The following CTSF variants were observed in gnomAD, a reference collection of about 807,000 sequenced individuals.
CTSF encodes cathepsin F.
A neutral mutation model predicts 63.5 loss-of-function variants in CTSF; 65 were observed. The ratio of observed to expected loss-of-function variants is 1.02; its 90% CI spans 0.84 to 1.26. CTSF has a LOEUF of 1.26. Among genes scored for constraint, CTSF ranks in the 50% most tolerant of loss-of-function variants. CTSF has a pLI of 0.00. For synonymous variants in CTSF, 256 were observed against 258.1 expected (o/e 0.99, Z 0.08); for missense variants, 641 against 631.0 (o/e 1.02, Z -0.17).
intron 10 of CTSF, 23 bp downstream of exon 10, chr11:66,564,719 G>A (rs754331066): frequency 3.7e-6 from 6 of 1,613,506 alleles, no homozygotes; most frequent in Non-Finnish European, 2.5e-6. Flanking sequence ...GATGGGGCAG[G>A]GGCAGTGGGG....
At position 66,563,969 on chromosome 11, in the gene CTSF, G is replaced by T; in HGVS notation, c.1419C>A (p.Gly473=). 6.2e-7 allele frequency: 1 copy of T among 1,613,630 alleles called. No individual in the cohort carries two copies. The highest frequency in any genetic ancestry group is 8.5e-7 in the Non-Finnish European group (1 of 1,180,020). ...YYLHRGSGAC[G]VNTMASSAVV... ...CCGCCGAGCTGGCCATGGTGTTCACGCCACAGGCCCCGGACCCACGATGCA... is the reference window on the plus strand; with the variant it reads ...CCGCCGAGCTGGCCATGGTGTTCACTCCACAGGCCCCGGACCCACGATGCA... Residue 473 remains glycine, a synonymous_variant, in exon 13 of 13, where the codon GGC becomes GGA. Coordinates refer to ENST00000310325, the MANE Select transcript of CTSF (RefSeq NM_003793.4).
rs397514733 is a variant in CTSF at position 66,563,949 on chromosome 11, G to A, written c.1439C>T (p.Ser480Leu). Reference protein sequence around the residue: ...GACGVNTMASSAVVD With the variant: ...GACGVNTMASLAVVD ...GGCCCCTCTTCAGTCCACCACCGCC[G>A]AGCTGGCCATGGTGTTCACGCCACA... The change falls in exon 13 of 13, where the codon TCG becomes TTG. Residue 480 changes from serine (S) to leucine (L), a missense_variant. By Grantham distance (145) the Ser-to-Leu change is moderately radical (BLOSUM62 -2). Coordinates refer to ENST00000310325, the MANE Select transcript of CTSF (RefSeq NM_003793.4). 9 of 1,613,154 alleles carry A rather than the reference G, an allele frequency of 5.6e-6. No individual in the cohort carries two copies. The highest frequency in any genetic ancestry group is 2.2e-5 in the South Asian group (2 of 91,060).
rs1307773880 is a variant in CTSF, at chr11:66,568,006, A to G, written c.290T>C (p.Leu97Pro). 1 of 1,595,912 alleles carries G rather than the reference A, an allele frequency of 6.3e-7. No individual in the cohort carries two copies. The highest frequency in any genetic ancestry group is 2.2e-5 in the East Asian group (1 of 44,482). ...PPCNDPMVCR[L>P]PVSKKTLLCS... ...CACCAGGGTTTTCTTGGACACGGGG[A>G]GCCGGCACACCATGGGGTCGTTGCA... The change falls in exon 2 of 13, where the codon CTC becomes CCC. Residue 97 changes from leucine to proline, a missense_variant. By Grantham distance (98) the Leu-to-Pro change is moderately conservative (BLOSUM62 -3). Transcript: ENST00000310325.
chr11:66,564,286 C>G, intron 11 of CTSF, 140 bp from the exon 12 acceptor site: 2 of 1,114,118 alleles, frequency 1.8e-6, no homozygotes, highest in Non-Finnish European at 2.5e-6. Flanking sequence ...GAGGGGCCCA[C>G]CTACCAGCCT....
intron 2 of CTSF, 76 bp downstream of exon 2, chr11:66,567,908 T>TAG: frequency 6.6e-7 from 1 of 1,511,586 alleles, no homozygotes. Flanking sequence ...CCCTGCGTCT[T>TAG]GACCTGACCC....
At position 66,566,038 on chromosome 11, in the gene CTSF, G is replaced by A; in HGVS notation, c.851C>T (p.Thr284Ile). The A allele has an allele frequency of 6.2e-7, 1 of 1,614,142 alleles. No individual in the cohort carries two copies. Among genetic ancestry groups the A allele is most frequent in the Non-Finnish European group, 8.5e-7 (1 of 1,180,014 alleles). ...EWDWRSKGAV[T>I]KVKDQGMCGS... ...GGGTCCAACCTGGTCTTTGACTTTT[G>A]TGACAGCCCCCTTACTCCTCCAGTC... The change falls in exon 6 of 13, where the codon ACA becomes ATA. Residue 284 changes from threonine (T) to isoleucine (I), a missense_variant. Thr to Ile is a moderately conservative substitution (Grantham distance 89, BLOSUM62 -1). Coordinates refer to ENST00000310325, the MANE Select transcript of CTSF (RefSeq NM_003793.4).
intron 11 of CTSF, 46 bp downstream of exon 11, chr11:66,564,512 C>G: frequency 6.8e-7 from 1 of 1,474,846 alleles, no homozygotes; most frequent in Non-Finnish European, 9.2e-7. Flanking sequence ...GTGATCCCAC[C>G]CCTGCCTGTG....
At chr11:66,566,760 G>A (rs185262647) in intron 4 of CTSF, among the ~76,000 whole-genome samples, 186 of 150,942 alleles carry the variant, frequency 1.2e-3, no homozygotes, top group Non-Finnish European at 1.8e-3. Flanking sequence ...GTTTTCGCTT[G>A]TCACCCATGC....
Position 66,563,771 on chromosome 11 carries a change from G to A in CTSF, c.*162C>T. On this transcript the variant is annotated 3_prime_UTR_variant, in exon 13 of 13. Transcript: ENST00000310325. ...CTTCAGGGTGGGAATGGGGTGCAGGGAAGCAGGGGCTGTGCCCCAGCCCAG... is the reference window on the plus strand; with the variant it reads ...CTTCAGGGTGGGAATGGGGTGCAGGAAAGCAGGGGCTGTGCCCCAGCCCAG... 1 of 800,516 alleles carries A rather than the reference G, an allele frequency of 1.2e-6. No homozygotes were observed. The highest frequency in any genetic ancestry group is 2.7e-5 in the East Asian group (1 of 37,234). The allele number at this position is 800,516 out of a possible 1,614,324, so 49.6% of individuals were successfully genotyped here. A position where few individuals can be genotyped will look rare whatever the true frequency, so the allele number is the denominator to read the frequency against.
Position 66,563,824 on chromosome 11 carries a change from G to A in CTSF, c.*109C>T. 7.3e-7 allele frequency: 1 copy of A among 1,377,472 alleles called. No homozygotes were observed. Among genetic ancestry groups the A allele is most frequent in the Non-Finnish European group, 1.0e-6 (1 of 998,606 alleles). The allele number at this position is 1,377,472 out of a possible 1,614,324, so 85.3% of individuals were successfully genotyped here. On this transcript the variant is annotated 3_prime_UTR_variant, in exon 13 of 13. Coordinates refer to ENST00000310325, the MANE Select transcript of CTSF (RefSeq NM_003793.4). The stretch of plus-strand genomic sequence containing the variant: ...CCCTCTGCTCACCCTGAGGTACCCA[G>A]TGCCTTTCCCTCTGCCAGCTGTACC...
chr11:66,566,337 G>A lies in CTSF; in HGVS notation c.675C>T (p.Asp225=), dbSNP rs1190146735. ...MVRAQKIQAL[D]RGTAQYGVTK... ...TGACTCCATACTGAGCTGTGCCACGGTCCAGGGCCTGGATCTTCTGTGCTC... is the reference window on the plus strand; with the variant it reads ...TGACTCCATACTGAGCTGTGCCACGATCCAGGGCCTGGATCTTCTGTGCTC... The change falls in exon 5 of 13, where the codon GAC becomes GAT. Residue 225 remains aspartate (D), a synonymous_variant. Coordinates refer to ENST00000310325, the MANE Select transcript of CTSF (RefSeq NM_003793.4). 26 of 1,614,060 alleles carry A rather than the reference G, an allele frequency of 1.6e-5. No individual in the cohort carries two copies. The highest frequency in any genetic ancestry group is 2.0e-5 in the Non-Finnish European group (24 of 1,180,032).
chr11:66,567,115 A>G, intron 4 of CTSF, 131 bp downstream of exon 4: 1 of 913,316 alleles, frequency 1.1e-6, no homozygotes, highest in Non-Finnish European at 1.8e-6. Context: ...GCTTAGGGAG[A>G]GCTCAGGAAT....
rs748390300 is a variant in CTSF, at chr11:66,567,495, G to C, written c.480C>G (p.Asn160Lys). 2.5e-6 allele frequency: 4 copies of C among 1,614,166 alleles called. No individual in the cohort carries two copies. In the South Asian group the frequency reaches 4.4e-5, roughly 18 times the overall value. Residue 160 changes from asparagine (N) to lysine (K), a missense_variant, in exon 3 of 13, where the codon AAC becomes AAG. Physicochemically the swap from Asn to Lys is moderately conservative, Grantham distance 94. Coordinates refer to ENST00000310325, the MANE Select transcript of CTSF (RefSeq NM_003793.4). ...GGGAAATGACTGAGCTGAAAGTCTC[G>C]TTTCTGTTGTCTGGATGGTTTTGGG... ...SLSQNHPDNRNETFSSVISLL... is the reference protein window; with the variant it reads ...SLSQNHPDNRKETFSSVISLL...
In CTSF at chr11:66,563,559, A is replaced by G; in HGVS notation, c.*374T>C. ...CACTATCCCTAAATCCAAGGGAACC[A>G]GAAAATTTATAGTATCAAACAGAGG... On this transcript the variant is annotated 3_prime_UTR_variant, in exon 13 of 13. Coordinates refer to ENST00000310325, the MANE Select transcript of CTSF (RefSeq NM_003793.4). 1.3e-5 allele frequency: 6 copies of G among 447,376 alleles called. No homozygotes were observed. The South Asian group carries it at 2.5e-4, about 18-fold the overall frequency. 27.7% of individuals were successfully genotyped at this position (447,376 alleles called of 1,614,324 possible).
Position 66,563,662 on chromosome 11 carries a change from C to A in CTSF, c.*271G>T, listed in dbSNP as rs1185193155. The A allele has an allele frequency of 8.6e-6, 5 of 578,044 alleles. No individual in the cohort carries two copies. The highest frequency in any genetic ancestry group is 1.9e-5 in the African/African-American group (1 of 53,614). The allele number at this position is 578,044 out of a possible 1,614,324, so 35.8% of individuals were successfully genotyped here. On this transcript the variant is annotated 3_prime_UTR_variant, in exon 13 of 13. Transcript: ENST00000310325. ...TCATTACCCAAGCCCAGAGTTCTTGCCCCAGCTTCAACTGCCAAGATACCA... is the reference window on the plus strand; with the variant it reads ...TCATTACCCAAGCCCAGAGTTCTTGACCCAGCTTCAACTGCCAAGATACCA...
intron 2 of CTSF, 151 bp from the exon 3 acceptor site, chr11:66,567,813 G>T: frequency 7.3e-7 from 1 of 1,366,590 alleles, no homozygotes; most frequent in Non-Finnish European, 9.8e-7. Context: ...GCCTGCACCG[G>T]GGCATCCTCC....
Position 66,564,744 on chromosome 11 carries a change from G to C in CTSF, c.1228C>G (p.Gln410Glu). ...GGGCAGTGGGGCTAGGGCCTCACCTGCATGCCAAAGGCATTGATGGCCACG... is the reference window on the plus strand; with the variant it reads ...GGGCAGTGGGGCTAGGGCCTCACCTCCATGCCAAAGGCATTGATGGCCACG... Reference protein sequence around the residue: ...ISVAINAFGMQFYRHGISRPL... With the variant: ...ISVAINAFGMEFYRHGISRPL... The change falls in exon 10 of 13, where the codon CAG becomes GAG. Residue 410 changes from glutamine to glutamate, a missense_variant and splice_region_variant. By Grantham distance (29) the Gln-to-Glu change is conservative (BLOSUM62 2). Coordinates refer to ENST00000310325, the MANE Select transcript of CTSF (RefSeq NM_003793.4). The C allele has an allele frequency of 6.2e-7, 1 of 1,614,020 alleles. No homozygotes were observed. Among genetic ancestry groups the C allele is most frequent in the South Asian group, 1.1e-5 (1 of 91,084 alleles).
chr11:66,565,542 G>A, intron 8 of CTSF, 129 bp downstream of exon 8: 2 of 1,316,126 alleles, frequency 1.5e-6, no homozygotes, highest in African/African-American at 2.9e-5. Context: ...ACGCCTGGCT[G>A]GGTCAGCATT....
chr11:66,567,378 G>A, intron 3 of CTSF, 57 bp from the exon 4 acceptor site: 2 of 1,613,446 alleles, frequency 1.2e-6, no homozygotes, highest in Non-Finnish European at 1.7e-6. Flanking sequence ...AGAGGGAAGG[G>A]AGAAGGGTGA....
Sources: allele counts gnomAD v4.1 joint callset (sites outside exome capture counted in the v4.1 genomes callset), GRCh38; gene constraint gnomAD v4.1.1; transcripts MANE v1.5; gene names NCBI Gene and HGNC (gene_info 2026-07-23, HGNC 2026-07-21).